Variants in ZSWIM5 observed in about 807,000 individuals in gnomAD.
ZSWIM5 encodes zinc finger SWIM domain-containing protein 5.
ZSWIM5 carries 55 observed loss-of-function variants against 119.6 expected under a neutral mutation model. The ratio of observed to expected loss-of-function variants is 0.46; its 90% CI spans 0.37 to 0.58. The LOEUF (loss-of-function observed/expected upper bound fraction) is 0.58, where lower values mean the gene tolerates loss of function less well. ZSWIM5 is among the 20% of genes least tolerant of loss of function. The pLI, the probability that ZSWIM5 is intolerant of heterozygous loss-of-function variation, is 0.00. For missense variants in ZSWIM5, 1,193 were observed against 1,512.8 expected, an observed-to-expected ratio of 0.79 and a Z score of 3.51; for synonymous variants, 537 against 606.9, an observed-to-expected ratio of 0.88 and a Z score of 1.69.
At chr1:45,130,802 T>C (rs754971667) in intron 1 of ZSWIM5, among the ~76,000 whole-genome samples, 4 of 152,224 alleles carry the variant, frequency 2.6e-5, no homozygotes, top group Admixed American at 1.3e-4. Flanking sequence ...TCATAATTCA[T>C]ATTCAGCTAA....
chr1:45,201,482 T>C (rs1341115200), intron 1 of ZSWIM5, among the ~76,000 whole-genome samples: 2 of 152,246 alleles, frequency 1.3e-5, no homozygotes, highest in Admixed American at 1.3e-4. Flanking sequence ...CACATGTATA[T>C]ATTCATATAA....
intron 1 of ZSWIM5, among the ~76,000 whole-genome samples, chr1:45,164,149 G>C (rs535562289): frequency 7.9e-5 from 12 of 152,294 alleles, no homozygotes; most frequent in African/African-American, 2.4e-4. Context: ...AGCCAGAAGA[G>C]AGTGGGGGCC....
At chr1:45,121,532 G>C (rs888846133) in intron 1 of ZSWIM5, among the ~76,000 whole-genome samples, 2 of 151,492 alleles carry the variant, frequency 1.3e-5, no homozygotes, top group African/African-American at 4.9e-5. Flanking sequence ...TATAAAACTT[G>C]ATTCTTCTTC....
chr1:45,167,114 C>A (rs1251268567), intron 1 of ZSWIM5, among the ~76,000 whole-genome samples: 1 of 151,940 alleles, frequency 6.6e-6, no homozygotes, highest in African/African-American at 2.4e-5. Context: ...GGTACTGGTA[C>A]CAAAACAGAG....
At chr1:45,092,978 T>A (rs564154022) in intron 1 of ZSWIM5, among the ~76,000 whole-genome samples, 1 of 152,324 alleles carries the variant, frequency 6.6e-6, no homozygotes, top group East Asian at 1.9e-4. Flanking sequence ...TCCCACTAGT[T>A]TTGATTCTCT....
At chr1:45,155,441 C>G (rs1645821293) in intron 1 of ZSWIM5, among the ~76,000 whole-genome samples, 1 of 150,236 alleles carries the variant, frequency 6.7e-6, no homozygotes, top group Non-Finnish European at 1.5e-5. Context: ...GGAATGTAAA[C>G]TAGTACAGCC....
chr1:45,193,848 G>T (rs1646105881), intron 1 of ZSWIM5, among the ~76,000 whole-genome samples: 1 of 151,814 alleles, frequency 6.6e-6, no homozygotes, highest in African/African-American at 2.4e-5. Flanking sequence ...CCATCATTTT[G>T]CCCTTTTACA....
chr1:45,078,010 A>G (rs1301524511), intron 2 of ZSWIM5, among the ~76,000 whole-genome samples: 1 of 152,208 alleles, frequency 6.6e-6, no homozygotes, highest in Admixed American at 6.5e-5. Context: ...CAATCTGTGC[A>G]GTTAATGCAA....
intron 1 of ZSWIM5, among the ~76,000 whole-genome samples, chr1:45,124,857 GACATT>G (rs146943150): frequency 0.021 from 3,131 of 152,192 alleles, 115 homozygotes; most frequent in African/African-American, 0.072. Flanking sequence ...GAAAGTGAGG[GACATT>G]ACATAATGAT....
chr1:45,020,626 T>C lies in ZSWIM5; in HGVS notation c.2612A>G (p.Gln871Arg). 6.2e-7 allele frequency: 1 copy of C among 1,613,700 alleles called. No homozygotes were observed. The highest frequency in any genetic ancestry group is 8.5e-7 in the Non-Finnish European group (1 of 1,179,870). ...GGATGGCCTACTCTTCCTCCATACC[T>C]GTAACCCAAGTTCCAGGGCAACGTT... Reference protein sequence around the residue: ...LLNVALELGLQVMRMTLSTLN... With the variant: ...LLNVALELGLRVMRMTLSTLN... Residue 871 changes from glutamine to arginine, a missense_variant and splice_region_variant, in exon 12 of 14, where the codon CAG (glutamine) becomes CGG (arginine). Gln to Arg is a conservative substitution (Grantham distance 43). Transcript: ENST00000359600.
intron 1 of ZSWIM5, among the ~76,000 whole-genome samples, chr1:45,163,078 C>A (rs1645873784): frequency 6.6e-6 from 1 of 152,154 alleles, no homozygotes; most frequent in Non-Finnish European, 1.5e-5. Flanking sequence ...CCAGTAAGGG[C>A]CGACTGACAC....
intron 1 of ZSWIM5, among the ~76,000 whole-genome samples, chr1:45,192,112 G>C (rs374067746): frequency 2.0e-5 from 3 of 152,056 alleles, no homozygotes; most frequent in Non-Finnish European, 4.4e-5. Context: ...AATATATGTG[G>C]CTTTTAACTT....
intron 4 of ZSWIM5, among the ~76,000 whole-genome samples, chr1:45,055,685 C>A (rs767676187): frequency 1.3e-5 from 2 of 152,042 alleles, no homozygotes; most frequent in Non-Finnish European, 2.9e-5. Context: ...AGGTAGAGAA[C>A]GTAAACAGGA....
chr1:45,131,603 T>C (rs60338658), intron 1 of ZSWIM5, among the ~76,000 whole-genome samples: 2,239 of 151,510 alleles, frequency 0.015, 51 homozygotes, highest in African/African-American at 0.052. Context: ...TGTGTACCCA[T>C]AGCCCCAGCT....
At chr1:45,190,815 GGAA>G (rs553470666) in intron 1 of ZSWIM5, among the ~76,000 whole-genome samples, 127 of 151,794 alleles carry the variant, frequency 8.4e-4, no homozygotes, top group African/African-American at 3.0e-3. Context: ...ACTGGGAAGA[GGAA>G]GAAATCAAAC....
intron 2 of ZSWIM5, among the ~76,000 whole-genome samples, chr1:45,080,549 C>T (rs1246564629): frequency 6.6e-6 from 1 of 152,152 alleles, no homozygotes; most frequent in African/African-American, 2.4e-5. Flanking sequence ...TTTCCTACTT[C>T]CTCAGTGCCT....
Position 45,036,259 on chromosome 1 carries a change from A to T in ZSWIM5, c.1935T>A (p.Pro645=), listed in dbSNP as rs1202794278. 3 of 1,613,954 alleles carry T rather than the reference A, an allele frequency of 1.9e-6. No homozygotes were observed. The highest frequency in any genetic ancestry group is 3.3e-4 in the Middle Eastern group (2 of 5,982). The change falls in exon 9 of 14, where the codon CCT becomes CCA. Residue 645 remains proline, a synonymous_variant. Coordinates refer to ENST00000359600, the MANE Select transcript of ZSWIM5 (RefSeq NM_020883.2). ...TGCTGTTTGGGGAGCCTGCAGCCAC[A>T]GGTACATGCTGGTACACAGGGGGTC... is the stretch of plus-strand genomic sequence containing the variant. ...ESRPPVYQHV[P]VAAGSPNSSE... is the part of the protein sequence containing the mutation.
At chr1:45,052,007 T>G (rs1310950648) in intron 4 of ZSWIM5, among the ~76,000 whole-genome samples, 1 of 151,664 alleles carries the variant, frequency 6.6e-6, no homozygotes, top group African/African-American at 2.4e-5. Flanking sequence ...TGGGATTTTT[T>G]TTTTTTTTTG....
chr1:45,038,936 C>T lies in ZSWIM5; in HGVS notation c.1894G>A (p.Asp632Asn), dbSNP rs1401328575. The T allele has an allele frequency of 6.2e-7, 1 of 1,613,294 alleles. No homozygotes were observed. Among genetic ancestry groups the T allele is most frequent in the Non-Finnish European group, 8.5e-7 (1 of 1,179,932 alleles). ...LNDDGYLEMSDMNESRPPVYQ... is the reference protein window; with the variant it reads ...LNDDGYLEMSNMNESRPPVYQ... Reference sequence around the variant, plus strand: ...GTTTGCCTCAGGCTGACCCCTGTACCTGACATCTCCAGATAGCCATCATCA... The same window carrying T: ...GTTTGCCTCAGGCTGACCCCTGTACTTGACATCTCCAGATAGCCATCATCA... Residue 632 changes from aspartate to asparagine, a missense_variant and splice_region_variant, in exon 8 of 14, where the codon GAT becomes AAT. Transcript: ENST00000359600.
Sources: gnomAD v4.1 joint callset for allele counts (sites outside exome capture counted in the v4.1 genomes callset) on GRCh38, gnomAD v4.1.1 for gene constraint, MANE v1.5 for transcripts, NCBI Gene and HGNC (gene_info 2026-07-23, HGNC 2026-07-21) for gene names.